Variants in CCDC171 observed in about 807,000 individuals in gnomAD.
The protein encoded by CCDC171 is coiled-coil domain containing 171, also known as coiled-coil domain-containing protein 171.
In CCDC171, 177 loss-of-function variants were observed where a neutral mutation model predicts 168.2. The observed-to-expected ratio is 1.05, with a 90% CI of 0.93 to 1.19. The LOEUF is 1.19. CCDC171 is among the 50% of genes most tolerant of loss of function. The pLI, the probability that CCDC171 is intolerant of heterozygous loss-of-function variation, is 0.00. For synonymous variants in CCDC171, 687 were observed against 540.8 expected (o/e 1.27, Z -3.75); for missense variants, 1,991 against 1,539.0 (o/e 1.29, Z -4.91).
In CCDC171 at chr9:15,597,943, A is replaced by G. The variant is rs150480822; in HGVS notation, c.675+3771A>G. On this transcript the variant is annotated intron_variant, in intron 6 of 25. Transcript: ENST00000380701. The stretch of plus-strand genomic sequence containing the variant: ...CTAGTTTATTTGCATAGAGGTGTTT[A>G]TAGTATTCTCTGATGGTAGTCTGTA... Among the ~76,000 whole-genome samples, 771 of 152,206 alleles carry G rather than the reference A, an allele frequency of 5.1e-3. 11 individuals are homozygous for G. Among genetic ancestry groups the G allele is most frequent in the African/African-American group, 0.017 (707 of 41,536 alleles).
intron 25 of CCDC171, among the ~76,000 whole-genome samples, chr9:15,968,065 A>T (rs1830978360): frequency 6.6e-6 from 1 of 152,204 alleles, no homozygotes; most frequent in African/African-American, 2.4e-5. Context: ...TAAGATTTTT[A>T]AAATGTAGAA....
At chr9:15,955,665 A>C (rs1829723945) in intron 25 of CCDC171, among the ~76,000 whole-genome samples, 1 of 152,136 alleles carries the variant, frequency 6.6e-6, no homozygotes, top group Non-Finnish European at 1.5e-5. Context: ...AGAATTCCAA[A>C]ATGCTTTCAT....
chr9:15,883,602 G>A (rs1328451242), intron 24 of CCDC171, among the ~76,000 whole-genome samples: 1 of 152,092 alleles, frequency 6.6e-6, no homozygotes, highest in Non-Finnish European at 1.5e-5. Flanking sequence ...ATCTCTCTTT[G>A]CCTTTTAAAA....
At chr9:15,867,113 T>C (rs1263437749) in intron 23 of CCDC171, among the ~76,000 whole-genome samples, 2 of 152,004 alleles carry the variant, frequency 1.3e-5, no homozygotes, top group Admixed American at 6.6e-5. Flanking sequence ...AACAATGAAT[T>C]TGCAGGTAAT....
chr9:15,850,474 G>A (rs2061079284), intron 23 of CCDC171, among the ~76,000 whole-genome samples: 1 of 151,794 alleles, frequency 6.6e-6, no homozygotes, highest in African/African-American at 2.4e-5. Context: ...CTGTAAATCT[G>A]GTCTATAGCC....
intron 21 of CCDC171, among the ~76,000 whole-genome samples, chr9:15,797,412 C>A (rs1588559930): frequency 6.6e-6 from 1 of 152,052 alleles, no homozygotes; most frequent in African/African-American, 2.4e-5. Context: ...GACGGGGTTT[C>A]TCCATGTTGC....
intron 21 of CCDC171, among the ~76,000 whole-genome samples, chr9:15,796,143 A>G (rs2058545280): frequency 6.6e-6 from 1 of 152,242 alleles, no homozygotes; most frequent in South Asian, 2.1e-4. Flanking sequence ...TTTTTCAAGC[A>G]TTCTAAGAGA....
At chr9:15,896,412 TC>T (rs1820906760) in intron 24 of CCDC171, among the ~76,000 whole-genome samples, 1 of 152,082 alleles carries the variant, frequency 6.6e-6, no homozygotes. Flanking sequence ...TATATTTACA[TC>T]CTTCAAAGAT....
the CCDC171 span, among the ~76,000 whole-genome samples, chr9:16,099,881 A>G: frequency 6.6e-6 from 1 of 152,200 alleles, no homozygotes; most frequent in Non-Finnish European, 1.5e-5. Flanking sequence ...GAAAGAAAGA[A>G]TGATTATAAA....
Position 15,821,399 on chromosome 9 carries a change from C to T in CCDC171, c.3268-25303C>T, listed in dbSNP as rs191822246. ...TTAGGAAAACAGGACGTCAAATTGT[C>T]CCTGTTTGCAGATCACATGATTGTA... On this transcript the variant is annotated intron_variant, in intron 21 of 25. Transcript: ENST00000380701. Among the ~76,000 whole-genome samples the T allele has an allele frequency of 1.1e-3, 125 of 117,346 alleles. 26 individuals carry two copies. The highest frequency in any genetic ancestry group is 3.8e-3 in the African/African-American group (117 of 31,186). 77.0% of individuals were successfully genotyped at this position (117,346 alleles called of 152,430 possible).
chr9:15,708,274 G>T (rs575441656), intron 11 of CCDC171, among the ~76,000 whole-genome samples: 1 of 152,298 alleles, frequency 6.6e-6, no homozygotes, highest in Non-Finnish European at 1.5e-5. Flanking sequence ...ACTAATGATT[G>T]CACAGAAATG....
intron 7 of CCDC171, among the ~76,000 whole-genome samples, chr9:15,643,582 A>T (rs2046806338): frequency 1.3e-5 from 2 of 152,222 alleles, no homozygotes; most frequent in African/African-American, 4.8e-5. Flanking sequence ...TTCACATATC[A>T]TAAAACTCAC....
chr9:15,956,059 C>G (rs1027647820), intron 25 of CCDC171, among the ~76,000 whole-genome samples: 3 of 152,116 alleles, frequency 2.0e-5, no homozygotes, highest in African/African-American at 7.2e-5. Flanking sequence ...GTAATTCATT[C>G]AAGATCTCTC....
At chr9:15,994,671 C>G (rs185016662) in intron 3 of CCDC171, among the ~76,000 whole-genome samples, 1 of 152,222 alleles carries the variant, frequency 6.6e-6, no homozygotes, top group East Asian at 1.9e-4. Flanking sequence ...TTCAGTAAGC[C>G]CATTGCACAT....
chr9:15,671,072 A>C (rs1202752255), intron 9 of CCDC171, among the ~76,000 whole-genome samples: 1 of 152,208 alleles, frequency 6.6e-6, no homozygotes, highest in Non-Finnish European at 1.5e-5. Context: ...AGTGTGGGCG[A>C]CCAAGTGAGA....
intron 21 of CCDC171, among the ~76,000 whole-genome samples, chr9:15,799,546 A>T (rs1051962534): frequency 1.1e-4 from 17 of 152,182 alleles, no homozygotes; most frequent in Admixed American, 5.2e-4. Context: ...TTATACAGAC[A>T]TTCAATGTGT....
the CCDC171 span, among the ~76,000 whole-genome samples, chr9:16,086,368 C>A: frequency 6.7e-6 from 1 of 149,576 alleles, no homozygotes; most frequent in African/African-American, 2.5e-5. Context: ...AGTGCAGTGG[C>A]ACAATCTTGG....
chr9:15,596,095 G>C (rs1360946779), intron 6 of CCDC171, among the ~76,000 whole-genome samples: 1 of 152,088 alleles, frequency 6.6e-6, no homozygotes, highest in Admixed American at 6.6e-5. Context: ...TCTGTAGGTT[G>C]CCTGTTCACT....
At chr9:15,890,837 A>T (rs193221063) in intron 24 of CCDC171, among the ~76,000 whole-genome samples, 1 of 152,148 alleles carries the variant, frequency 6.6e-6, no homozygotes, top group Non-Finnish European at 1.5e-5. Flanking sequence ...TTGTTATAGA[A>T]TAGAGATTAT....
Sources: gnomAD v4.1 joint callset for allele counts (sites outside exome capture counted in the v4.1 genomes callset) on GRCh38, gnomAD v4.1.1 for gene constraint, MANE v1.5 for transcripts, NCBI Gene and HGNC (gene_info 2026-07-23, HGNC 2026-07-21) for gene names.